Variants in AKAP6 observed in about 807,000 individuals in gnomAD.
AKAP6 encodes A-kinase anchor protein 6.
A neutral mutation model predicts 188.5 loss-of-function variants in AKAP6; 58 were observed. The ratio of observed to expected loss-of-function variants is 0.31; its 90% CI spans 0.25 to 0.38. The LOEUF (loss-of-function observed/expected upper bound fraction) is 0.38. Among genes scored for constraint, AKAP6 ranks in the 10% least tolerant of loss-of-function variants. The pLI is 1.00. For missense variants in AKAP6, 2,710 were observed against 2,740.0 expected (o/e 0.99, Z 0.24); for synonymous variants, 989 against 998.6 (o/e 0.99, Z 0.18).
At chr14:32,505,425 A>C (rs1880822404) in intron 2 of AKAP6, among the ~76,000 whole-genome samples, 1 of 152,046 alleles carries the variant, frequency 6.6e-6, no homozygotes. Flanking sequence ...AGGATGACAA[A>C]AAAAACTTGG....
At chr14:32,334,894 G>C (rs954784) in intron 1 of AKAP6, among the ~76,000 whole-genome samples, 8,597 of 152,316 alleles carry the variant, frequency 0.056, 367 homozygotes, top group Non-Finnish European at 0.082. Context: ...CCATCTTGCA[G>C]TGGTGTGCTT....
Position 32,352,138 on chromosome 14 carries a change from G to T in AKAP6, c.-35+22730G>T, listed in dbSNP as rs970051992. 3.4e-5 allele frequency among the ~76,000 whole-genome samples: 5 copies of T among 146,080 alleles called. No homozygotes were observed. The East Asian group carries it at 9.9e-4, about 29-fold the overall frequency. ...GTGTGTGTGTGTGTGTGTGTGTGAA[G>T]GGGGTGGGTGTCTAGGCCCTTTCTC... is the stretch of plus-strand genomic sequence containing the variant. On this transcript the variant is annotated intron_variant, in intron 1 of 13. Transcript: ENST00000280979.
intron 1 of AKAP6, among the ~76,000 whole-genome samples, chr14:32,405,610 T>G (rs770705090): frequency 1.3e-5 from 2 of 152,198 alleles, no homozygotes; most frequent in Non-Finnish European, 2.9e-5. Flanking sequence ...CATCTTGAAT[T>G]ATAATCCCCA....
At chr14:32,688,107 A>AT (rs1566647756) in intron 8 of AKAP6, among the ~76,000 whole-genome samples, 19 of 150,190 alleles carry the variant, frequency 1.3e-4, no homozygotes, top group Admixed American at 5.3e-4. Flanking sequence ...TGAAGACATA[A>AT]ATATATAATA....
chr14:32,433,728 A>C lies in AKAP6; in HGVS notation c.235A>C (p.Met79Leu). ...HLPEIETWLRMTSERVRDLTY... is the reference protein window; with the variant it reads ...HLPEIETWLRLTSERVRDLTY... ...ACCTGAAATTGAGACCTGGCTCCGG[A>C]TGACCTCAGAGAGGGTCCGAGACCT... Residue 79 changes from methionine (M) to leucine (L), a missense_variant, in exon 2 of 14, where the codon ATG becomes CTG. Transcript: ENST00000280979. The C allele has an allele frequency of 6.2e-7, 1 of 1,614,204 alleles. No individual in the cohort carries two copies. The highest frequency in any genetic ancestry group is 8.5e-7 in the Non-Finnish European group (1 of 1,180,042).
At chr14:32,718,016 A>G (rs975575281) in intron 9 of AKAP6, among the ~76,000 whole-genome samples, 4 of 152,076 alleles carry the variant, frequency 2.6e-5, no homozygotes, top group African/African-American at 9.7e-5. Flanking sequence ...CTTTATTTAC[A>G]TTATACTCTT....
At chr14:32,816,902 G>T (rs917154038) in intron 12 of AKAP6, among the ~76,000 whole-genome samples, 1 of 152,154 alleles carries the variant, frequency 6.6e-6, no homozygotes, top group African/African-American at 2.4e-5. Context: ...GAATAAACAG[G>T]GGGAGCACAT....
intron 11 of AKAP6, among the ~76,000 whole-genome samples, chr14:32,763,878 A>G (rs1412135729): frequency 6.6e-6 from 1 of 152,196 alleles, no homozygotes; most frequent in African/African-American, 2.4e-5. Context: ...TAAAATATGC[A>G]AGTCATTATT....
chr14:32,724,198 G>GCCAATCTGATCAATAT (rs947640491), intron 9 of AKAP6, among the ~76,000 whole-genome samples: 5 of 151,962 alleles, frequency 3.3e-5, no homozygotes, highest in African/African-American at 1.2e-4. Flanking sequence ...AGTATAATCT[G>GCCAATCTGATCAATAT]CCAATCTGAT....
chr14:32,624,653 C>G (rs1886943460), intron 7 of AKAP6, among the ~76,000 whole-genome samples: 1 of 152,034 alleles, frequency 6.6e-6, no homozygotes, highest in Non-Finnish European at 1.5e-5. Flanking sequence ...AGAAAACATA[C>G]TTCTTTCCCT....
intron 2 of AKAP6, among the ~76,000 whole-genome samples, chr14:32,491,987 C>T (rs567762583): frequency 6.6e-6 from 1 of 152,220 alleles, no homozygotes; most frequent in African/African-American, 2.4e-5. Flanking sequence ...CTAGAAATCC[C>T]TTCCTCTGTA....
chr14:32,387,784 G>GT (rs1888580816), intron 1 of AKAP6, among the ~76,000 whole-genome samples: 1 of 151,050 alleles, frequency 6.6e-6, no homozygotes, highest in Non-Finnish European at 1.5e-5. Flanking sequence ...TGTTCATCAG[G>GT]GCTATTGGTC....
intron 2 of AKAP6, among the ~76,000 whole-genome samples, chr14:32,505,114 C>T (rs772056365): frequency 5.3e-5 from 8 of 152,204 alleles, no homozygotes; most frequent in Non-Finnish European, 7.4e-5. Flanking sequence ...TCTACTATAA[C>T]CTCTAATTAA....
At chr14:32,810,234 A>G (rs566112390) in intron 12 of AKAP6, among the ~76,000 whole-genome samples, 51 of 142,782 alleles carry the variant, frequency 3.6e-4, no homozygotes, top group African/African-American at 1.3e-3. Context: ...GATTAAAATG[A>G]CCCCAACCCC....
chr14:32,537,613 T>C (rs1882743718), intron 3 of AKAP6, among the ~76,000 whole-genome samples: 1 of 152,204 alleles, frequency 6.6e-6, no homozygotes, highest in Non-Finnish European at 1.5e-5. Context: ...CAACATCCAA[T>C]GCTGGTCAGT....
chr14:32,481,157 C>T (rs536113967), intron 2 of AKAP6, among the ~76,000 whole-genome samples: 2 of 152,236 alleles, frequency 1.3e-5, no homozygotes, highest in Admixed American at 1.3e-4. Context: ...TAAAGATCTA[C>T]TTTATCTGTT....
At chr14:32,525,534 T>C (rs1461368764) in intron 2 of AKAP6, among the ~76,000 whole-genome samples, 3 of 152,170 alleles carry the variant, frequency 2.0e-5, no homozygotes, top group African/African-American at 7.2e-5. Context: ...TCATTCTCTT[T>C]CTATCATCTC....
intron 1 of AKAP6, among the ~76,000 whole-genome samples, chr14:32,392,797 GTAATGAATTA>G (rs1888754490): frequency 6.6e-6 from 1 of 152,024 alleles, no homozygotes. Flanking sequence ...AGTTATGATA[GTAATGAATTA>G]TAATTCATAG....
chr14:32,678,929 A>G (rs978533031), intron 8 of AKAP6, among the ~76,000 whole-genome samples: 1 of 152,208 alleles, frequency 6.6e-6, no homozygotes, highest in Non-Finnish European at 1.5e-5. Flanking sequence ...ACTTAGCTTC[A>G]CATGAAGTCA....
Sources: allele counts gnomAD v4.1 joint callset (sites outside exome capture counted in the v4.1 genomes callset), GRCh38; gene constraint gnomAD v4.1.1; transcripts MANE v1.5; gene names NCBI Gene and HGNC (gene_info 2026-07-23, HGNC 2026-07-21).